The following ADGRL2 variants were observed in gnomAD, a reference collection of about 807,000 sequenced individuals.
The protein encoded by ADGRL2 is calcium-independent alpha-latrotoxin receptor 2.
A neutral mutation model predicts 157.4 loss-of-function variants in ADGRL2; 44 were observed. The observed-to-expected ratio is 0.28, with a 90% CI of 0.22 to 0.36. The LOEUF (loss-of-function observed/expected upper bound fraction) is 0.36, where lower values mean the gene tolerates loss of function less well. ADGRL2 is among the 10% of genes least tolerant of loss of function. The pLI, the probability that ADGRL2 is intolerant of heterozygous loss-of-function variation, is 1.00. For synonymous variants in ADGRL2, 585 were observed against 624.7 expected, an observed-to-expected ratio of 0.94 and a Z score of 0.95; for missense variants, 1,510 against 1,768.9, an observed-to-expected ratio of 0.85 and a Z score of 2.63.
chr1:81,826,282 A>G (rs2091474427), intron 1 of ADGRL2, among the ~76,000 whole-genome samples: 2 of 152,200 alleles, frequency 1.3e-5, no homozygotes, highest in Non-Finnish European at 2.9e-5. Context: ...TAAGTTAGCA[A>G]TTGAAGGTTA....
At chr1:81,701,019 G>A (rs757092673) in intron 1 of ADGRL2, among the ~76,000 whole-genome samples, 22 of 152,328 alleles carry the variant, frequency 1.4e-4, no homozygotes, top group Admixed American at 2.0e-4. Context: ...TCATTAATAC[G>A]TTGGGACTAA....
chr1:81,794,695 C>A (rs2087502707), intron 2 of ADGRL2, among the ~76,000 whole-genome samples: 1 of 152,088 alleles, frequency 6.6e-6, no homozygotes, highest in Non-Finnish European at 1.5e-5. Context: ...AAAGCATATG[C>A]CTATTACATC....
chr1:81,504,147 G>C (rs1357779274), intron 2 of ADGRL2, among the ~76,000 whole-genome samples: 1 of 152,146 alleles, frequency 6.6e-6, no homozygotes, highest in Non-Finnish European at 1.5e-5. Context: ...GCAGAGCCTC[G>C]GGGCTGCCCA....
chr1:81,556,312 A>ATTTTTTTTTTTTTTTTTTTTTTTTTT (rs145670261), intron 2 of ADGRL2, among the ~76,000 whole-genome samples: 2 of 87,132 alleles, frequency 2.3e-5, no homozygotes, highest in African/African-American at 4.7e-5. Context: ...GGCTGTCACA[A>ATTTTTTTTTTTTTTTTTTTTTTTTTT]TTTTTTTTTT....
intron 2 of ADGRL2, among the ~76,000 whole-genome samples, chr1:81,888,923 T>C (rs947865826): frequency 6.6e-6 from 1 of 152,160 alleles, no homozygotes; most frequent in Non-Finnish European, 1.5e-5. Context: ...TAATCAGTGA[T>C]CTTTGATATT....
At chr1:81,897,385 A>T (rs1009795728) in intron 2 of ADGRL2, among the ~76,000 whole-genome samples, 2 of 152,106 alleles carry the variant, frequency 1.3e-5, no homozygotes, top group Non-Finnish European at 2.9e-5. Context: ...TCTTTGTGGC[A>T]TATATTATTT....
At chr1:81,580,728 G>A (rs2080890613) in intron 2 of ADGRL2, 1 of 152,190 alleles carries the variant, frequency 6.6e-6, no homozygotes, top group East Asian at 1.9e-4. Flanking sequence ...GACTCTGGAA[G>A]TCTTGACAAT....
At chr1:81,356,947 C>T (rs189783264) in intron 1 of ADGRL2, among the ~76,000 whole-genome samples, 1,122 of 10,880 alleles carry the variant, frequency 0.1, 7 homozygotes, top group Non-Finnish European at 0.23. Flanking sequence ...AATGAGACTC[C>T]GTCTCAAAAA....
At chr1:81,417,118 T>G (rs2077046364) in intron 1 of ADGRL2, among the ~76,000 whole-genome samples, 1 of 152,226 alleles carries the variant, frequency 6.6e-6, no homozygotes, top group Non-Finnish European at 1.5e-5. Context: ...AAAATACAAT[T>G]TAAATTTTCC....
chr1:81,318,982 C>A (rs1271051259), intron 1 of ADGRL2, among the ~76,000 whole-genome samples: 1 of 121,874 alleles, frequency 8.2e-6, no homozygotes, highest in Non-Finnish European at 1.6e-5. Context: ...ACTCTTGTTG[C>A]CCAGGCTGGA....
chr1:81,885,920 T>C (rs913232583), intron 2 of ADGRL2, among the ~76,000 whole-genome samples: 4 of 152,164 alleles, frequency 2.6e-5, no homozygotes, highest in African/African-American at 4.8e-5. Flanking sequence ...GCTTAACATG[T>C]AGTTTTTTGA....
At chr1:81,683,580 A>C (rs979298775) in intron 3 of ADGRL2, among the ~76,000 whole-genome samples, 2 of 152,188 alleles carry the variant, frequency 1.3e-5, no homozygotes, top group Non-Finnish European at 2.9e-5. Flanking sequence ...CACTTAGGAT[A>C]ATAGTCTCCA....
At chr1:81,307,205 A>T (rs1158102669) in intron 1 of ADGRL2, among the ~76,000 whole-genome samples, 1 of 152,228 alleles carries the variant, frequency 6.6e-6, no homozygotes, top group African/African-American at 2.4e-5. Flanking sequence ...TGTTTGTATA[A>T]CACTGTTTGA....
intron 1 of ADGRL2, among the ~76,000 whole-genome samples, chr1:81,734,378 G>A (rs1431475578): frequency 1.3e-5 from 2 of 150,498 alleles, no homozygotes; most frequent in Non-Finnish European, 3.0e-5. Flanking sequence ...ATAGGAAGAT[G>A]GAGGCAGAGA....
At chr1:81,885,224 T>C (rs894524494) in intron 2 of ADGRL2, among the ~76,000 whole-genome samples, 3 of 152,356 alleles carry the variant, frequency 2.0e-5, no homozygotes, top group African/African-American at 7.2e-5. Context: ...TTATAATACT[T>C]GATTTATAAA....
intron 13 of ADGRL2, among the ~76,000 whole-genome samples, chr1:81,967,248 TTCA>T (rs1409990056): frequency 6.7e-6 from 1 of 148,360 alleles, no homozygotes; most frequent in Non-Finnish European, 1.5e-5. Context: ...TCATATCTGC[TTCA>T]GTTGATTGAC....
chr1:81,838,941 A>C (rs1350436286), intron 2 of ADGRL2, among the ~76,000 whole-genome samples: 1 of 151,906 alleles, frequency 6.6e-6, no homozygotes, highest in Non-Finnish European at 1.5e-5. Flanking sequence ...GCTAACTGCT[A>C]ATTGTAAGAG....
At chr1:81,530,954 C>G (rs1310588155) in intron 2 of ADGRL2, among the ~76,000 whole-genome samples, 1 of 151,720 alleles carries the variant, frequency 6.6e-6, no homozygotes, top group Non-Finnish European at 1.5e-5. Context: ...CATGGTGGCG[C>G]ACACCTGTAG....
At chr1:81,760,720 AC>A (rs1327866955) in intron 1 of ADGRL2, among the ~76,000 whole-genome samples, 1 of 106,630 alleles carries the variant, frequency 9.4e-6, no homozygotes, top group African/African-American at 4.7e-5. Flanking sequence ...GCTTAAAAAT[AC>A]TTTTTTTTTT....
Sources: allele counts gnomAD v4.1 joint callset (sites outside exome capture counted in the v4.1 genomes callset), GRCh38; gene constraint gnomAD v4.1.1; transcripts MANE v1.5; gene names NCBI Gene and HGNC (gene_info 2026-07-23, HGNC 2026-07-21).